HS1BP3: variants seen among roughly 807,000 people sequenced by gnomAD.
The protein encoded by HS1BP3 is HCLS1 binding protein 3.
In HS1BP3, 32 loss-of-function variants were observed where a neutral mutation model predicts 33.5. The ratio of observed to expected loss-of-function variants is 0.95; its 90% CI spans 0.72 to 1.28. HS1BP3 has a LOEUF of 1.28. HS1BP3 is among the 50% of genes most tolerant of loss of function. The pLI is 0.00. For synonymous variants in HS1BP3, 187 were observed against 209.2 expected (o/e 0.89, Z 0.92); for missense variants, 486 against 502.3 (o/e 0.97, Z 0.31).
chr2:20,619,924 G>A (rs748923866), intron 6 of HS1BP3, among the ~76,000 whole-genome samples: 12 of 152,188 alleles, frequency 7.9e-5, no homozygotes, highest in South Asian at 4.1e-4. Flanking sequence ...GGAACCCAGT[G>A]AGAGCTGAGG....
At chr2:20,638,401 C>A in intron 4 of HS1BP3, 35 bp downstream of exon 4, 1 of 1,589,704 alleles carries the variant, frequency 6.3e-7, no homozygotes. Flanking sequence ...GCCTGGAATA[C>A]ACCAAAGGGG....
intron 1 of HS1BP3, among the ~76,000 whole-genome samples, chr2:20,645,877 C>A (rs940836936): frequency 6.6e-6 from 1 of 152,210 alleles, no homozygotes; most frequent in African/African-American, 2.4e-5. Context: ...GCTGCAGGGA[C>A]AGCAAGGGAT....
chr2:20,623,701 C>T (rs1558339369), intron 6 of HS1BP3, 195 bp downstream of exon 6: 1 of 548,076 alleles, frequency 1.8e-6, no homozygotes, highest in East Asian at 3.2e-5. Flanking sequence ...CTGAGCAGCC[C>T]TGGGCTGCGG....
intron 5 of HS1BP3, among the ~76,000 whole-genome samples, chr2:20,565,637 C>CCCTG (rs1360097713): frequency 6.6e-6 from 1 of 152,250 alleles, no homozygotes; most frequent in Non-Finnish European, 1.5e-5. Context: ...AGTCAGCACA[C>CCCTG]CCTGCAACTA....
At chr2:20,599,676 AC>A (rs1694028611) in intron 2 of HS1BP3, among the ~76,000 whole-genome samples, 1 of 148,112 alleles carries the variant, frequency 6.8e-6, no homozygotes, top group African/African-American at 2.5e-5. Context: ...TAAAGATCTG[AC>A]TTTAAAAGCT....
At chr2:20,587,737 C>G (rs1402186844), downstream of HS1BP3, among the ~76,000 whole-genome samples, 1 of 151,992 alleles carries the variant, frequency 6.6e-6, no homozygotes, top group Non-Finnish European at 1.5e-5. Context: ...CAGAGCGAGA[C>G]TCTGTCTCAA....
At chr2:20,643,555 C>G (rs1223719236) in intron 2 of HS1BP3, among the ~76,000 whole-genome samples, 1 of 152,176 alleles carries the variant, frequency 6.6e-6, no homozygotes, top group Admixed American at 6.5e-5. Context: ...CACCAAGAGT[C>G]GGCCACAGGA....
chr2:20,568,075 C>T (rs1261700222), intron 5 of HS1BP3, among the ~76,000 whole-genome samples: 1 of 152,186 alleles, frequency 6.6e-6, no homozygotes, highest in Non-Finnish European at 1.5e-5. Flanking sequence ...ACTGCCCAGA[C>T]TGTCCTAGAA....
chr2:20,630,851 A>G (rs1357457196), intron 4 of HS1BP3, among the ~76,000 whole-genome samples: 3 of 152,358 alleles, frequency 2.0e-5, no homozygotes, highest in Middle Eastern at 3.4e-3. Flanking sequence ...AGAGCCTGGC[A>G]TAGTGAAAGT....
Position 20,623,603 on chromosome 2 carries a change from TTTAA to T in HS1BP3, c.920+289_920+292del, listed in dbSNP as rs1200348102. 48 of 278,212 alleles carry T rather than the reference TTTAA, an allele frequency of 1.7e-4. No homozygotes were observed. The Middle Eastern group carries it at 5.0e-3, about 29-fold the overall frequency. 17.2% of individuals were successfully genotyped at this position (278,212 alleles called of 1,614,324 possible). A position where few individuals can be genotyped will look rare whatever the true frequency, so the allele number is the denominator to read the frequency against. On this transcript the variant is annotated intron_variant, in intron 6 of 6. Transcript: ENST00000304031. ...TATACCTGCTCTTGCAATTATATAA[TTTAA>T]TTATTCTTTACATAAACTGTTAAAA...
chr2:20,554,655 G>T, the HS1BP3 span, among the ~76,000 whole-genome samples: 1 of 149,264 alleles, frequency 6.7e-6, no homozygotes, highest in Non-Finnish European at 1.5e-5. Flanking sequence ...CCAGGAGGCG[G>T]AGGTTGCAAT....
At chr2:20,578,760 A>G (rs1693460525) in intron 5 of HS1BP3, among the ~76,000 whole-genome samples, 1 of 152,192 alleles carries the variant, frequency 6.6e-6, no homozygotes. Flanking sequence ...TGCACTGGAC[A>G]GGGGAGGAAA....
intron 2 of HS1BP3, among the ~76,000 whole-genome samples, chr2:20,608,301 G>A (rs1254772377): frequency 6.6e-6 from 1 of 152,084 alleles, no homozygotes; most frequent in African/African-American, 2.4e-5. Flanking sequence ...CAGGCCGGGT[G>A]TGGTGGCTCA....
At position 20,619,057 on chromosome 2, in the gene HS1BP3, T is replaced by C. The variant is rs1694511045; in HGVS notation, c.1109A>G (p.Asp370Gly). The change falls in exon 7 of 7, where the codon GAC becomes GGC. Residue 370 changes from aspartate (D) to glycine (G), a missense_variant. Physicochemically the swap from Asp to Gly is moderately conservative, Grantham distance 94 (BLOSUM62 -1). Transcript: ENST00000304031. The stretch of plus-strand genomic sequence containing the variant: ...GATGTACTGCAAGATGTCCATCTCG[T>C]CCATGGCTTGGATCTGCTCCTGCGG... Reference protein sequence around the residue: ...QKPQEQIQAMDEMDILQYIQD... With the variant: ...QKPQEQIQAMGEMDILQYIQD... 1.2e-6 allele frequency: 2 copies of C among 1,614,064 alleles called. No homozygotes were observed. The highest frequency in any genetic ancestry group is 1.7e-5 in the Admixed American group (1 of 60,004).
In HS1BP3 at chr2:20,641,009, C is replaced by T. The variant is rs745404428; in HGVS notation, c.370G>A (p.Glu124Lys). The change falls in exon 3 of 7, where the codon GAG becomes AAG. Residue 124 changes from glutamate (E) to lysine (K), a missense_variant. Physicochemically the swap from Glu to Lys is moderately conservative, Grantham distance 56. Transcript: ENST00000304031. Reference protein sequence around the residue: ...EILRCVSKDAELAGSPELLEF... With the variant: ...EILRCVSKDAKLAGSPELLEF... ...AGCAGCTCTGGGCTGCCTGCCAACT[C>T]GGCATCCTTGGAGACACAGCGCAGG... 32 of 1,614,060 alleles carry T rather than the reference C, an allele frequency of 2.0e-5. No homozygotes were observed. Among genetic ancestry groups the T allele is most frequent in the Middle Eastern group, 1.6e-4 (1 of 6,084 alleles).
At chr2:20,556,445 A>C (rs1207949426), downstream of HS1BP3, among the ~76,000 whole-genome samples, 1 of 148,014 alleles carries the variant, frequency 6.8e-6, no homozygotes, top group Non-Finnish European at 1.5e-5. Flanking sequence ...TTACATCATC[A>C]GACCCTTCAA....
intron 1 of HS1BP3, among the ~76,000 whole-genome samples, chr2:20,649,032 C>T (rs1478688586): frequency 1.3e-5 from 2 of 151,878 alleles, no homozygotes; most frequent in Non-Finnish European, 2.9e-5. Context: ...AAGCCACCAC[C>T]GGCTCTACAT....
At chr2:20,619,268 C>T in intron 6 of HS1BP3, 23 bp from the exon 7 acceptor site, 2 of 1,564,996 alleles carry the variant, frequency 1.3e-6, no homozygotes, top group Non-Finnish European at 1.7e-6. Flanking sequence ...AGGGAGGAAC[C>T]CTGAGCATAA....
chr2:20,555,499 G>A (rs566006454), downstream of HS1BP3, among the ~76,000 whole-genome samples: 28 of 152,272 alleles, frequency 1.8e-4, no homozygotes, highest in African/African-American at 6.5e-4. Context: ...CTCACTATAG[G>A]GGTACCCACA....
Sources: allele counts gnomAD v4.1 joint callset (sites outside exome capture counted in the v4.1 genomes callset), GRCh38; gene constraint gnomAD v4.1.1; transcripts MANE v1.5; gene names NCBI Gene and HGNC (gene_info 2026-07-23, HGNC 2026-07-21).